Variants in DAAM1 observed in about 807,000 individuals in gnomAD.
DAAM1 encodes dishevelled associated activator of morphogenesis 1.
Under a neutral mutation model 130.0 loss-of-function variants are expected in DAAM1, and 52 were observed. The ratio of observed to expected loss-of-function variants is 0.40; its 90% CI spans 0.32 to 0.50. DAAM1 has a LOEUF of 0.50. Among genes scored for constraint, DAAM1 ranks in the 20% least tolerant of loss-of-function variants. DAAM1 has a pLI of 0.61. For missense variants in DAAM1, 1,134 were observed against 1,303.8 expected (o/e 0.87, Z 2.01); for synonymous variants, 452 against 444.5 (o/e 1.02, Z -0.21).
chr14:59,336,684 T>C (rs1387385996), intron 15 of DAAM1, among the ~76,000 whole-genome samples: 1 of 152,238 alleles, frequency 6.6e-6, no homozygotes, highest in Admixed American at 6.5e-5. Context: ...CTATTACACT[T>C]ATTGCTGATG....
intron 1 of DAAM1, among the ~76,000 whole-genome samples, chr14:59,203,589 A>G (rs1390156070): frequency 6.6e-6 from 1 of 152,150 alleles, no homozygotes; most frequent in Non-Finnish European, 1.5e-5. Context: ...AGATGTGGTA[A>G]TTCCTTAATA....
intron 1 of DAAM1, among the ~76,000 whole-genome samples, chr14:59,242,627 C>T (rs1177957174): frequency 1.3e-5 from 2 of 152,132 alleles, no homozygotes; most frequent in African/African-American, 2.4e-5. Flanking sequence ...GGCGTGATCT[C>T]GGCTCACTGC....
intron 1 of DAAM1, among the ~76,000 whole-genome samples, chr14:59,237,807 T>G (rs996511144): frequency 2.0e-5 from 3 of 152,188 alleles, no homozygotes; most frequent in Non-Finnish European, 4.4e-5. Flanking sequence ...GACTCACTTT[T>G]CCAGTGAGTC....
chr14:59,311,357 G>A (rs1392750942), intron 3 of DAAM1, among the ~76,000 whole-genome samples: 1 of 152,108 alleles, frequency 6.6e-6, no homozygotes, highest in Non-Finnish European at 1.5e-5. Context: ...GTGGGAGGTG[G>A]AGGGGTGCCC....
At chr14:59,327,388 A>G (rs191528435) in intron 12 of DAAM1, among the ~76,000 whole-genome samples, 2 of 122,780 alleles carry the variant, frequency 1.6e-5, no homozygotes, top group African/African-American at 3.4e-5. Flanking sequence ...AGAGAAGAAC[A>G]GGTCACTTGG....
At chr14:59,302,287 T>G (rs1418887156) in intron 3 of DAAM1, among the ~76,000 whole-genome samples, 2 of 152,208 alleles carry the variant, frequency 1.3e-5, no homozygotes, top group African/African-American at 4.8e-5. Flanking sequence ...AGAATGTCCT[T>G]GTGTTTGTGT....
chr14:59,297,382 T>C (rs1324600905), intron 3 of DAAM1, among the ~76,000 whole-genome samples: 3 of 152,240 alleles, frequency 2.0e-5, no homozygotes, highest in Admixed American at 1.3e-4. Context: ...AGAGGAATTA[T>C]GTGCGAGAAT....
At chr14:59,327,953 T>G (rs1885275355) in intron 12 of DAAM1, among the ~76,000 whole-genome samples, 1 of 152,242 alleles carries the variant, frequency 6.6e-6, no homozygotes, top group African/African-American at 2.4e-5. Context: ...CCTTCCTGTT[T>G]TAAAATATTA....
chr14:59,209,061 T>C (rs1364510900), intron 1 of DAAM1, among the ~76,000 whole-genome samples: 3 of 152,228 alleles, frequency 2.0e-5, no homozygotes, highest in African/African-American at 7.2e-5. Flanking sequence ...CAGATATTTC[T>C]TTATAACACA....
intron 1 of DAAM1, among the ~76,000 whole-genome samples, chr14:59,209,379 A>C (rs1277931895): frequency 6.6e-6 from 1 of 152,204 alleles, no homozygotes; most frequent in Non-Finnish European, 1.5e-5. Flanking sequence ...TCTTAGGATA[A>C]ATTCATAGAA....
At chr14:59,327,096 C>T in intron 12 of DAAM1, 105 bp downstream of exon 12, 2 of 1,271,602 alleles carry the variant, frequency 1.6e-6, no homozygotes, top group Non-Finnish European at 2.2e-6. Context: ...TAGCTTGGTG[C>T]AGGCAGCCTT....
chr14:59,261,134 G>A (rs548183215), intron 1 of DAAM1, among the ~76,000 whole-genome samples: 31 of 152,196 alleles, frequency 2.0e-4, no homozygotes, highest in Admixed American at 1.8e-3. Flanking sequence ...CTCATTCCCT[G>A]TACCCTTCAT....
intron 1 of DAAM1, among the ~76,000 whole-genome samples, chr14:59,239,172 T>C (rs544934751): frequency 1.3e-5 from 2 of 152,294 alleles, no homozygotes; most frequent in Non-Finnish European, 2.9e-5. Flanking sequence ...AACCCATAAA[T>C]TACTTTATGA....
At chr14:59,318,457 T>C (rs1200636161) in intron 4 of DAAM1, among the ~76,000 whole-genome samples, 1 of 150,226 alleles carries the variant, frequency 6.7e-6, no homozygotes, top group African/African-American at 2.5e-5. Context: ...CATAGAGCAT[T>C]CAAAGAAGCC....
chr14:59,285,249 C>T (rs960318258), intron 2 of DAAM1, among the ~76,000 whole-genome samples: 2 of 152,096 alleles, frequency 1.3e-5, no homozygotes, highest in Admixed American at 1.3e-4. Context: ...CGTTTTCAGA[C>T]AAGCAAATGC....
chr14:59,352,661 G>A (rs754866451), intron 18 of DAAM1, 29 bp downstream of exon 18: 2 of 1,562,406 alleles, frequency 1.3e-6, no homozygotes, highest in Non-Finnish European at 1.8e-6. Context: ...GGAATGTGAA[G>A]ATGTCACTTC....
chr14:59,297,345 A>G (rs1957411), intron 3 of DAAM1, among the ~76,000 whole-genome samples: 95,564 of 152,042 alleles, frequency 0.63, 31,146 homozygotes, highest in East Asian at 0.9. Flanking sequence ...GAACATTCCT[A>G]TTCCAGAAAG....
chr14:59,347,957 C>CT (rs1886146085), intron 17 of DAAM1, among the ~76,000 whole-genome samples: 1 of 152,212 alleles, frequency 6.6e-6, no homozygotes, highest in African/African-American at 2.4e-5. Context: ...GAGAATCTCA[C>CT]TAGCACTGTG....
chr14:59,225,122 G>A (rs748643150), intron 1 of DAAM1, among the ~76,000 whole-genome samples: 1 of 145,788 alleles, frequency 6.9e-6, no homozygotes, highest in Non-Finnish European at 1.5e-5. Flanking sequence ...CTGCCTCCTG[G>A]GTTCAAGTGA....
Sources: allele counts gnomAD v4.1 joint callset (sites outside exome capture counted in the v4.1 genomes callset), GRCh38; gene constraint gnomAD v4.1.1; transcripts MANE v1.5; gene names NCBI Gene and HGNC (gene_info 2026-07-23, HGNC 2026-07-21).